Variants in KCNH5 observed in about 807,000 individuals in gnomAD.
KCNH5 encodes voltage-gated delayed rectifier potassium channel KCNH5.
Under a neutral mutation model 96.1 loss-of-function variants are expected in KCNH5, and 46 were observed. The ratio of observed to expected loss-of-function variants is 0.48; its 90% CI spans 0.38 to 0.61. KCNH5 has a LOEUF of 0.61. KCNH5 is among the 20% of genes least tolerant of loss of function. The pLI is 0.00. For missense variants in KCNH5, 907 were observed against 1,225.8 expected (o/e 0.74, Z 3.88); for synonymous variants, 439 against 449.8 (o/e 0.98, Z 0.30).
intron 10 of KCNH5, among the ~76,000 whole-genome samples, chr14:62,756,360 A>C (rs916862592): frequency 2.0e-5 from 3 of 152,150 alleles, no homozygotes; most frequent in African/African-American, 7.2e-5. Context: ...ATATTGTTAA[A>C]ATGTCCATAC....
intron 7 of KCNH5, among the ~76,000 whole-genome samples, chr14:62,947,319 A>G (rs991607107): frequency 6.6e-6 from 1 of 152,196 alleles, no homozygotes; most frequent in Non-Finnish European, 1.5e-5. Flanking sequence ...ATTTTTGCCC[A>G]TACATCTTAC....
chr14:62,728,160 C>G (rs953052965), intron 10 of KCNH5, among the ~76,000 whole-genome samples: 3 of 151,142 alleles, frequency 2.0e-5, no homozygotes, highest in African/African-American at 7.3e-5. Context: ...GCGGGCAGAT[C>G]ATCTGAGGTC....
intron 7 of KCNH5, among the ~76,000 whole-genome samples, chr14:62,914,242 C>T (rs934881601): frequency 6.6e-6 from 1 of 152,114 alleles, no homozygotes; most frequent in Non-Finnish European, 1.5e-5. Flanking sequence ...TTTATGTTGG[C>T]CTAATGTAGT....
rs1382161085 is a variant in KCNH5 at position 62,703,026 on chromosome 14, C to T, written c.*4482G>A. The T allele has an allele frequency of 6.6e-6, 1 of 151,884 alleles. No individual in the cohort carries two copies. Among genetic ancestry groups the T allele is most frequent in the African/African-American group, 2.4e-5 (1 of 41,422 alleles). 9.4% of individuals were successfully genotyped at this position (151,884 alleles called of 1,614,324 possible). ...TTGGTGAACTACTCTATACCTTGGCCACTTACCAATTTTTTCACAAAATTG... is the reference window on the plus strand; with the variant it reads ...TTGGTGAACTACTCTATACCTTGGCTACTTACCAATTTTTTCACAAAATTG... On this transcript the variant is annotated 3_prime_UTR_variant, in exon 11 of 11. Coordinates refer to ENST00000322893, the MANE Select transcript of KCNH5 (RefSeq NM_139318.5).
intron 8 of KCNH5, among the ~76,000 whole-genome samples, chr14:62,839,452 C>T (rs1440143818): frequency 6.6e-6 from 1 of 152,150 alleles, no homozygotes; most frequent in Non-Finnish European, 1.5e-5. Context: ...TCCCCTGTGC[C>T]ATCTGTGCTG....
intron 7 of KCNH5, among the ~76,000 whole-genome samples, chr14:62,898,778 A>T (rs1034280643): frequency 1.3e-5 from 2 of 152,166 alleles, no homozygotes; most frequent in African/African-American, 2.4e-5. Flanking sequence ...ATAATGTAAA[A>T]ATAATGGATA....
chr14:62,829,264 C>A (rs376813026), intron 8 of KCNH5, among the ~76,000 whole-genome samples: 1 of 152,046 alleles, frequency 6.6e-6, no homozygotes, highest in Non-Finnish European at 1.5e-5. Context: ...ATTCTGGGGT[C>A]GGGAGGACAG....
intron 7 of KCNH5, among the ~76,000 whole-genome samples, chr14:62,935,820 G>A (rs1015520041): frequency 1.3e-5 from 2 of 152,184 alleles, no homozygotes; most frequent in African/African-American, 2.4e-5. Context: ...AACACATGCA[G>A]CAGGATTTCT....
chr14:62,704,934 T>C lies in KCNH5; in HGVS notation c.*2574A>G, dbSNP rs1884402427. Reference sequence around the variant, plus strand: ...TGGGAACCTAAAAGACTACTCTATATACAATGTTTGCTGAAAACATGCATT... The same window carrying C: ...TGGGAACCTAAAAGACTACTCTATACACAATGTTTGCTGAAAACATGCATT... On this transcript the variant is annotated 3_prime_UTR_variant, in exon 11 of 11. Coordinates refer to ENST00000322893, the MANE Select transcript of KCNH5 (RefSeq NM_139318.5). 6.6e-6 allele frequency: 1 copy of C among 151,978 alleles called. No homozygotes were observed. Among genetic ancestry groups the C allele is most frequent in the Admixed American group, 6.6e-5 (1 of 15,256 alleles). The allele number at this position is 151,978 out of a possible 1,614,324, so 9.4% of individuals were successfully genotyped here.
At chr14:62,885,900 TAC>T (rs1424403294) in intron 7 of KCNH5, among the ~76,000 whole-genome samples, 3 of 152,214 alleles carry the variant, frequency 2.0e-5, no homozygotes, top group Non-Finnish European at 4.4e-5. Context: ...TACAAATAAA[TAC>T]AGTGTTGAAA....
intron 7 of KCNH5, among the ~76,000 whole-genome samples, chr14:62,895,846 A>G (rs1888800917): frequency 6.6e-6 from 1 of 152,176 alleles, no homozygotes; most frequent in African/African-American, 2.4e-5. Context: ...GAACACCTCT[A>G]TGTAGCACAC....
intron 8 of KCNH5, among the ~76,000 whole-genome samples, chr14:62,816,420 A>T (rs1886979975): frequency 6.6e-6 from 1 of 151,882 alleles, no homozygotes; most frequent in African/African-American, 2.4e-5. Flanking sequence ...TCTTCCTTTC[A>T]CTCTCCCACT....
chr14:62,865,522 G>A lies in KCNH5; in HGVS notation c.1370-15670C>T, dbSNP rs552645919. On this transcript the variant is annotated intron_variant, in intron 7 of 10. Transcript: ENST00000322893. ...AAATAAGTAAACCAATAGAAATGAG[G>A]AAGAATCACAGGACAGAGTGGCTAA... Among the ~76,000 whole-genome samples the A allele has an allele frequency of 6.6e-5, 10 of 152,070 alleles. No homozygotes were observed. The East Asian group carries it at 1.9e-3, about 29-fold the overall frequency.
intron 10 of KCNH5, among the ~76,000 whole-genome samples, chr14:62,754,031 A>G (rs1341993113): frequency 1.3e-5 from 2 of 152,178 alleles, no homozygotes; most frequent in African/African-American, 2.4e-5. Flanking sequence ...AAAAGCTACA[A>G]CAACTTTTCA....
chr14:62,826,066 C>T (rs2140022620), intron 8 of KCNH5, among the ~76,000 whole-genome samples: 1 of 152,158 alleles, frequency 6.6e-6, no homozygotes, highest in Non-Finnish European at 1.5e-5. Flanking sequence ...TACCTACATC[C>T]ATTCTTATTT....
At chr14:62,840,678 C>A (rs1887566565) in intron 8 of KCNH5, among the ~76,000 whole-genome samples, 1 of 141,156 alleles carries the variant, frequency 7.1e-6, no homozygotes, top group South Asian at 2.3e-4. Context: ...TCAAGTGATT[C>A]TCCTGTCTCA....
intron 4 of KCNH5, among the ~76,000 whole-genome samples, chr14:63,000,841 A>AG (rs1401414874): frequency 1.3e-5 from 2 of 152,324 alleles, no homozygotes; most frequent in African/African-American, 2.4e-5. Context: ...TGGGAGGCCA[A>AG]GGGGGGTCAG....
At chr14:62,724,467 C>T (rs1297474268) in intron 10 of KCNH5, among the ~76,000 whole-genome samples, 1 of 152,108 alleles carries the variant, frequency 6.6e-6, no homozygotes, top group Non-Finnish European at 1.5e-5. Context: ...TTAAATTATT[C>T]CTAAGGTAAC....
intron 4 of KCNH5, among the ~76,000 whole-genome samples, chr14:62,990,914 C>T (rs763133413): frequency 2.6e-5 from 4 of 151,922 alleles, no homozygotes; most frequent in Admixed American, 6.6e-5. Flanking sequence ...GGGGAAAATC[C>T]CCTTATAAAA....
Sources: allele counts gnomAD v4.1 joint callset (sites outside exome capture counted in the v4.1 genomes callset), GRCh38; gene constraint gnomAD v4.1.1; transcripts MANE v1.5; gene names NCBI Gene and HGNC (gene_info 2026-07-23, HGNC 2026-07-21).